MIS18BP1: variants seen among roughly 807,000 people sequenced by gnomAD.
MIS18BP1 encodes MIS18 binding protein 1.
A neutral mutation model predicts 116.1 loss-of-function variants in MIS18BP1; 72 were observed. The ratio of observed to expected loss-of-function variants is 0.62; its 90% confidence interval spans 0.51 to 0.75. MIS18BP1 has a LOEUF of 0.75. Ranked by LOEUF, MIS18BP1 falls within the 30% of genes least tolerant of loss-of-function variation. The pLI is 0.00. For synonymous variants in MIS18BP1, 386 were observed against 427.0 expected, an observed-to-expected ratio of 0.90 and a Z score of 1.18; for missense variants, 1,363 against 1,303.2, an observed-to-expected ratio of 1.05 and a Z score of -0.71.
At chr14:45,229,131 G>C (rs1477337931) in intron 8 of MIS18BP1, among the ~76,000 whole-genome samples, 13 of 151,838 alleles carry the variant, frequency 8.6e-5, no homozygotes, top group Admixed American at 7.2e-4. Context: ...AAGATCCCTG[G>C]GGGTGGGGGT....
chr14:45,250,553 T>C (rs933010383), intron 1 of MIS18BP1, among the ~76,000 whole-genome samples: 7 of 152,172 alleles, frequency 4.6e-5, no homozygotes, highest in East Asian at 1.9e-4. Context: ...TAACAAGAAA[T>C]TGTTAGTTCC....
At position 45,235,847 on chromosome 14, in the gene MIS18BP1, C is replaced by T. The variant is rs1482563703; in HGVS notation, c.1315G>A (p.Gly439Ser). The change falls in exon 6 of 17, where the codon GGC (glycine) becomes AGC (serine). Residue 439 changes from glycine (G) to serine (S), a missense_variant. Coordinates refer to ENST00000310806, the MANE Select transcript of MIS18BP1 (RefSeq NM_018353.5). ...TISGNVYILK[G>S]MIDQISMKEA... Reference sequence around the variant, plus strand: ...TTCATGGAAATTTGGTCTATCATGCCTTTTAATATATAAACGTTGCCTGAT... The same window carrying T: ...TTCATGGAAATTTGGTCTATCATGCTTTTTAATATATAAACGTTGCCTGAT... 2 of 1,608,388 alleles carry T rather than the reference C, an allele frequency of 1.2e-6. No homozygotes were observed. The highest frequency in any genetic ancestry group is 1.7e-6 in the Non-Finnish European group (2 of 1,177,908).
At chr14:45,238,370 G>A (rs8004730) in intron 4 of MIS18BP1, among the ~76,000 whole-genome samples, 3,023 of 152,152 alleles carry the variant, frequency 0.02, 95 homozygotes, top group African/African-American at 0.069. Flanking sequence ...GAGAAAAAAA[G>A]TCAAAATTTA....
chr14:45,237,666 C>T lies in MIS18BP1; in HGVS notation c.1199G>A (p.Cys400Tyr), dbSNP rs1327568485. The change falls in exon 5 of 17, where the codon TGT becomes TAT. Residue 400 changes from cysteine (C) to tyrosine (Y), a missense_variant. Transcript: ENST00000310806. Reference protein sequence around the residue: ...IKSINNNTAICVEGKLIDVTN... With the variant: ...IKSINNNTAIYVEGKLIDVTN... ...TACTTACATCAATTTTCCTTCTACA[C>T]ATATAGCAGTATTATTATTGATGCT... The T allele has an allele frequency of 6.2e-7, 1 of 1,600,022 alleles. No individual in the cohort carries two copies. The highest frequency in any genetic ancestry group is 1.1e-5 in the South Asian group (1 of 87,918).
Position 45,242,420 on chromosome 14 carries a change from A to G in MIS18BP1, c.757T>C (p.Ser253Pro), listed in dbSNP as rs1316288419. 6.2e-7 allele frequency: 1 copy of G among 1,613,740 alleles called. No homozygotes were observed. The highest frequency in any genetic ancestry group is 1.3e-5 in the African/African-American group (1 of 74,902). ...GTGGTTGCAACTATACTCTCCTTTG[A>G]GTGAAAAATTTGTTTAGCCAACTGA... is the stretch of plus-strand genomic sequence containing the variant. Reference protein sequence around the residue: ...RAQLAKQIFHSKESIVATTKS... With the variant: ...RAQLAKQIFHPKESIVATTKS... The change falls in exon 4 of 17, where the codon TCA becomes CCA. Residue 253 changes from serine (S) to proline (P), a missense_variant. Coordinates refer to ENST00000310806, the MANE Select transcript of MIS18BP1 (RefSeq NM_018353.5).
At chr14:45,243,425 CTAGA>C (rs1184947946) in intron 2 of MIS18BP1, among the ~76,000 whole-genome samples, 1 of 152,066 alleles carries the variant, frequency 6.6e-6, no homozygotes. Context: ...GGTTTCTCAA[CTAGA>C]TAAATAAGGA....
chr14:45,240,223 A>G (rs1891538288), intron 4 of MIS18BP1, among the ~76,000 whole-genome samples: 1 of 152,124 alleles, frequency 6.6e-6, no homozygotes, highest in Non-Finnish European at 1.5e-5. Context: ...AGTAATTCCA[A>G]CATTTTTAGG....
chr14:45,251,243 A>G (rs1891866113), intron 1 of MIS18BP1, among the ~76,000 whole-genome samples: 1 of 152,118 alleles, frequency 6.6e-6, no homozygotes, highest in Non-Finnish European at 1.5e-5. Flanking sequence ...TGCCAACAGT[A>G]TTCAGTAAAG....
chr14:45,216,499 T>G (rs1890822222), intron 13 of MIS18BP1, among the ~76,000 whole-genome samples: 1 of 152,214 alleles, frequency 6.6e-6, no homozygotes, highest in African/African-American at 2.4e-5. Flanking sequence ...TCCTGTGATC[T>G]TGGTACTTTT....
At chr14:45,236,126 T>C (rs1348984173) in intron 5 of MIS18BP1, among the ~76,000 whole-genome samples, 182 bp from the exon 6 acceptor site, 1 of 152,210 alleles carries the variant, frequency 6.6e-6, no homozygotes, top group Non-Finnish European at 1.5e-5. Flanking sequence ...TCAGATTATG[T>C]ACCAAAAAAA....
At chr14:45,210,549 A>T in intron 13 of MIS18BP1, 21 bp from the exon 14 acceptor site, 1 of 1,613,278 alleles carries the variant, frequency 6.2e-7, no homozygotes, top group East Asian at 2.2e-5. Flanking sequence ...AGTATTTATT[A>T]TCAGCAGGCA....
intron 11 of MIS18BP1, among the ~76,000 whole-genome samples, chr14:45,222,037 T>C (rs967205327): frequency 6.6e-6 from 1 of 152,248 alleles, no homozygotes; most frequent in African/African-American, 2.4e-5. Flanking sequence ...CTAAAGTCTA[T>C]TTTGACAGAT....
At chr14:45,233,056 T>A (rs890775929) in intron 6 of MIS18BP1, among the ~76,000 whole-genome samples, 2 of 152,150 alleles carry the variant, frequency 1.3e-5, no homozygotes, top group Non-Finnish European at 2.9e-5. Flanking sequence ...ATCTTGTTTG[T>A]TAGATGGCTA....
chr14:45,252,856 AAGTAC>A (rs1383540498), intron 1 of MIS18BP1, among the ~76,000 whole-genome samples, 174 bp downstream of exon 1: 2 of 152,234 alleles, frequency 1.3e-5, no homozygotes, highest in African/African-American at 4.8e-5. Context: ...CTACTCTCTT[AAGTAC>A]AGTAGACACG....
rs117973958 is a variant in MIS18BP1, at chr14:45,210,987, C to T, written c.3004-459G>A. On this transcript the variant is annotated intron_variant, in intron 13 of 16. Transcript: ENST00000310806. ...TTTCTGAGAAACTGGATTTGTCACC[C>T]TCTTTATTCAGCCTGTAACCGAGTA... 8.5e-3 allele frequency among the ~76,000 whole-genome samples: 1,287 copies of T among 152,306 alleles called. 6 individuals are homozygous for T. The highest frequency in any genetic ancestry group is 0.014 in the Middle Eastern group (4 of 294).
chr14:45,233,054 T>C (rs1024490878), intron 6 of MIS18BP1, among the ~76,000 whole-genome samples: 20 of 152,326 alleles, frequency 1.3e-4, no homozygotes, highest in African/African-American at 4.6e-4. Context: ...ATATCTTGTT[T>C]GTTAGATGGC....
At chr14:45,246,310 C>G (rs1891720165) in intron 2 of MIS18BP1, among the ~76,000 whole-genome samples, 1 of 152,198 alleles carries the variant, frequency 6.6e-6, no homozygotes, top group Non-Finnish European at 1.5e-5. Flanking sequence ...CCATGACACA[C>G]TAACTTCATA....
intron 2 of MIS18BP1, among the ~76,000 whole-genome samples, chr14:45,245,632 G>A (rs1014884406): frequency 5.9e-5 from 9 of 152,000 alleles, no homozygotes; most frequent in Admixed American, 4.6e-4. Context: ...TCAAAGTGAC[G>A]GGATTATGGG....
chr14:45,243,784 A>G (rs1891647827), intron 2 of MIS18BP1, among the ~76,000 whole-genome samples: 1 of 152,150 alleles, frequency 6.6e-6, no homozygotes, highest in South Asian at 2.1e-4. Flanking sequence ...AATAAGTTAT[A>G]TTTATTCACT....
Sources: allele counts gnomAD v4.1 joint callset (sites outside exome capture counted in the v4.1 genomes callset), GRCh38; gene constraint gnomAD v4.1.1; transcripts MANE v1.5; gene names NCBI Gene and HGNC (gene_info 2026-07-23, HGNC 2026-07-21).